Variants in GPC5 observed in about 807,000 individuals in gnomAD.
GPC5 encodes the protein glypican 5, also known as glypican-5.
GPC5 carries 47 observed loss-of-function variants against 53.9 expected under a neutral mutation model. The ratio of observed to expected loss-of-function variants is 0.87; its 90% CI spans 0.69 to 1.11. The LOEUF (loss-of-function observed/expected upper bound fraction) is 1.11. Ranked by LOEUF, GPC5 falls within the 50% of genes most tolerant of loss-of-function variation. The pLI is 0.00. For missense variants in GPC5, 748 were observed against 713.1 expected, an observed-to-expected ratio of 1.05 and a Z score of -0.56; for synonymous variants, 286 against 263.3, an observed-to-expected ratio of 1.09 and a Z score of -0.84.
intron 2 of GPC5, among the ~76,000 whole-genome samples, chr13:91,497,951 A>G (rs1431042647): frequency 6.6e-6 from 1 of 152,036 alleles, no homozygotes; most frequent in Non-Finnish European, 1.5e-5. Flanking sequence ...AAACAATCCA[A>G]TTCTTGCCAT....
intron 7 of GPC5, among the ~76,000 whole-genome samples, chr13:92,577,408 A>ATGTGTG (rs1161636707): frequency 1.7e-5 from 2 of 118,286 alleles, no homozygotes; most frequent in African/African-American, 3.3e-5. Flanking sequence ...GAATGTAAGT[A>ATGTGTG]TGTATGTATA....
At chr13:92,843,300 CAT>C (rs1361547777) in intron 7 of GPC5, among the ~76,000 whole-genome samples, 4 of 152,102 alleles carry the variant, frequency 2.6e-5, no homozygotes, top group African/African-American at 2.4e-5. Context: ...CCCTTAGAAA[CAT>C]AGACTAAATT....
intron 5 of GPC5, among the ~76,000 whole-genome samples, chr13:91,774,641 G>A (rs1037206421): frequency 3.3e-5 from 5 of 152,064 alleles, no homozygotes; most frequent in African/African-American, 1.2e-4. Flanking sequence ...TGGTGACAGT[G>A]CCTTCTTAAC....
intron 5 of GPC5, among the ~76,000 whole-genome samples, chr13:91,883,338 C>G (rs543575472): frequency 6.6e-6 from 1 of 152,328 alleles, no homozygotes; most frequent in East Asian, 1.9e-4. Context: ...TTGTCATACT[C>G]TATTGATTGT....
intron 5 of GPC5, among the ~76,000 whole-genome samples, chr13:91,833,603 A>G (rs1425687058): frequency 3.9e-5 from 6 of 152,204 alleles, no homozygotes; most frequent in African/African-American, 1.2e-4. Flanking sequence ...AAATCGATAA[A>G]TGTAATCCAT....
At chr13:91,418,478 C>T (rs905441152) in intron 1 of GPC5, among the ~76,000 whole-genome samples, 1 of 152,152 alleles carries the variant, frequency 6.6e-6, no homozygotes, top group Non-Finnish European at 1.5e-5. Context: ...ACTACCCTTT[C>T]AAGAAGCTTG....
chr13:92,123,559 T>C lies in GPC5; in HGVS notation c.1402-21271T>C, dbSNP rs2041668716. Among the ~76,000 whole-genome samples, 3 of 152,208 alleles carry C rather than the reference T, an allele frequency of 2.0e-5. No homozygotes were observed. In the South Asian group the frequency reaches 6.2e-4, roughly 31 times the overall value. On this transcript the variant is annotated intron_variant, in intron 6 of 7. Coordinates refer to ENST00000377067, the MANE Select transcript of GPC5 (RefSeq NM_004466.6). The stretch of plus-strand genomic sequence containing the variant: ...GGACTTGCAAAAATGTGGCAAAGTT[T>C]GAATGCCTGATACCTTTTTTTGGAA...
intron 7 of GPC5, among the ~76,000 whole-genome samples, chr13:92,678,434 G>A (rs17299536): frequency 0.18 from 26,300 of 142,416 alleles, 2,736 homozygotes; most frequent in East Asian, 0.35. Flanking sequence ...TACTGTATAA[G>A]AACATTCTCC....
chr13:91,728,446 C>A (rs2036621600), intron 3 of GPC5, 86 bp from the exon 4 acceptor site: 2 of 1,277,138 alleles, frequency 1.6e-6, no homozygotes, highest in Non-Finnish European at 2.1e-6. Context: ...AAAAACGTGT[C>A]ATTGTTTTGG....
intron 7 of GPC5, among the ~76,000 whole-genome samples, chr13:92,807,801 C>T (rs918795808): frequency 6.6e-6 from 1 of 152,082 alleles, no homozygotes; most frequent in Non-Finnish European, 1.5e-5. Flanking sequence ...GACTGACACG[C>T]TTTAAAGGCT....
intron 7 of GPC5, among the ~76,000 whole-genome samples, chr13:92,306,009 A>G (rs1275611925): frequency 6.6e-6 from 1 of 152,214 alleles, no homozygotes. Flanking sequence ...AGAGATGGGA[A>G]AGTACGTGGA....
chr13:92,696,503 A>G (rs529021965), intron 7 of GPC5, among the ~76,000 whole-genome samples: 2 of 152,258 alleles, frequency 1.3e-5, no homozygotes, highest in South Asian at 4.1e-4. Context: ...TTCTTTTGAG[A>G]AGCATCTGTT....
chr13:92,266,005 C>T (rs2042800047), intron 7 of GPC5, among the ~76,000 whole-genome samples: 1 of 152,134 alleles, frequency 6.6e-6, no homozygotes, highest in Non-Finnish European at 1.5e-5. Context: ...ATAACAAACC[C>T]ACCCCCGTAA....
At chr13:92,037,198 TACAC>T (rs150320129) in intron 6 of GPC5, among the ~76,000 whole-genome samples, 48 of 151,348 alleles carry the variant, frequency 3.2e-4, no homozygotes, top group African/African-American at 1.1e-3. Context: ...CACATGCTCA[TACAC>T]ACACACACAC....
At chr13:92,779,251 T>C (rs768964333) in intron 7 of GPC5, among the ~76,000 whole-genome samples, 2 of 152,068 alleles carry the variant, frequency 1.3e-5, no homozygotes, top group Non-Finnish European at 2.9e-5. Flanking sequence ...ACAGGAATAG[T>C]GCAGGAAAGA....
chr13:91,659,668 T>C (rs2034935731), intron 2 of GPC5, among the ~76,000 whole-genome samples: 1 of 152,132 alleles, frequency 6.6e-6, no homozygotes, highest in Non-Finnish European at 1.5e-5. Flanking sequence ...CCAAAACAAA[T>C]TTGGGTCTAG....
At chr13:91,785,830 T>C (rs9589355) in intron 5 of GPC5, among the ~76,000 whole-genome samples, 1,969 of 152,288 alleles carry the variant, frequency 0.013, 41 homozygotes, top group African/African-American at 0.044. Context: ...CCTGATGTGA[T>C]ACACTATCAT....
At chr13:92,661,145 A>G (rs1260201717) in intron 7 of GPC5, among the ~76,000 whole-genome samples, 1 of 152,010 alleles carries the variant, frequency 6.6e-6, no homozygotes, top group Non-Finnish European at 1.5e-5. Flanking sequence ...AATAATAATA[A>G]TTAGCTGGGT....
intron 6 of GPC5, among the ~76,000 whole-genome samples, chr13:91,939,018 T>C (rs1184961797): frequency 1.3e-5 from 2 of 152,114 alleles, no homozygotes; most frequent in Non-Finnish European, 2.9e-5. Flanking sequence ...ATTACTTAGA[T>C]ACTGTAACAT....
Sources: gnomAD v4.1 joint callset for allele counts (sites outside exome capture counted in the v4.1 genomes callset) on GRCh38, gnomAD v4.1.1 for gene constraint, MANE v1.5 for transcripts, NCBI Gene and HGNC (gene_info 2026-07-23, HGNC 2026-07-21) for gene names.